The following MACROD2 variants were observed in gnomAD, a reference collection of about 807,000 sequenced individuals.
The protein encoded by MACROD2 is ADP-ribose glycohydrolase MACROD2.
MACROD2 carries 36 observed loss-of-function variants against 70.4 expected under a neutral mutation model. The ratio of observed to expected loss-of-function variants is 0.51; its 90% CI spans 0.39 to 0.68. The LOEUF is 0.68. MACROD2 is among the 30% of genes least tolerant of loss of function. MACROD2 has a pLI of 0.00. For synonymous variants in MACROD2, 172 were observed against 178.8 expected (o/e 0.96, Z 0.30); for missense variants, 496 against 538.4 (o/e 0.92, Z 0.78).
intron 3 of MACROD2, among the ~76,000 whole-genome samples, chr20:14,392,977 C>T (rs1038656860): frequency 1.3e-5 from 2 of 152,134 alleles, no homozygotes. Flanking sequence ...CTCTAGAATA[C>T]TAAAGGCTTC....
At chr20:14,710,480 A>G (rs758468492) in intron 5 of MACROD2, among the ~76,000 whole-genome samples, 1 of 152,244 alleles carries the variant, frequency 6.6e-6, no homozygotes, top group Non-Finnish European at 1.5e-5. Flanking sequence ...TACTGTGGAA[A>G]GACGATGAGC....
At position 15,995,649 on chromosome 20, in the gene MACROD2, C is replaced by CTTTTTTTTTTTTT. The variant is rs71192310; in HGVS notation, c.1153+8499_1153+8511dup. Among the ~76,000 whole-genome samples the CTTTTTTTTTTTTT allele has an allele frequency of 1.7e-3, 143 of 85,464 alleles. 6 individuals are homozygous for CTTTTTTTTTTTTT. The highest frequency in any genetic ancestry group is 5.3e-3 in the African/African-American group (125 of 23,744). 56.1% of individuals were successfully genotyped at this position (85,464 alleles called of 152,430 possible). On this transcript the variant is annotated intron_variant, in intron 15 of 17. Transcript: ENST00000684519. ...ACAGGCATGAGCCACTATGCCCGGC[C>CTTTTTTTTTTTTT]TTTTTTTTTTTTTTTTTTTTAACTT...
At chr20:14,390,590 C>G (rs6079417) in intron 3 of MACROD2, among the ~76,000 whole-genome samples, 49,001 of 151,978 alleles carry the variant, frequency 0.32, 8,106 homozygotes, top group Admixed American at 0.4. Context: ...GATAAGACCA[C>G]ACACCTTTAA....
Position 14,660,568 on chromosome 20 carries a change from G to T in MACROD2, c.302-24275G>T, listed in dbSNP as rs554736080. Among the ~76,000 whole-genome samples, 22 of 151,942 alleles carry T rather than the reference G, an allele frequency of 1.4e-4. No homozygotes were observed. In the South Asian group the frequency reaches 2.3e-3, roughly 16 times the overall value. On this transcript the variant is annotated intron_variant, in intron 4 of 17. Coordinates refer to ENST00000684519, the MANE Select transcript of MACROD2 (RefSeq NM_001351661.2). ...GATAAATTTTTATTTTAAGATTCAGGGGGTACATAAGTAATTGTTACATGA... is the reference window on the plus strand; with the variant it reads ...GATAAATTTTTATTTTAAGATTCAGTGGGTACATAAGTAATTGTTACATGA...
chr20:14,330,598 C>T (rs1005232453), intron 3 of MACROD2, among the ~76,000 whole-genome samples: 8 of 152,046 alleles, frequency 5.3e-5, no homozygotes, highest in African/African-American at 1.7e-4. Flanking sequence ...GCTATATTAA[C>T]GGAAGAAAAG....
intron 6 of MACROD2, among the ~76,000 whole-genome samples, chr20:15,373,561 C>T (rs2045521947): frequency 6.6e-6 from 1 of 152,038 alleles, no homozygotes; most frequent in Non-Finnish European, 1.5e-5. Flanking sequence ...TGTCACTGCA[C>T]TTAGTTAGTA....
intron 3 of MACROD2, among the ~76,000 whole-genome samples, chr20:14,192,831 G>A (rs1053040209): frequency 1.4e-4 from 21 of 152,154 alleles, no homozygotes; most frequent in African/African-American, 5.1e-4. Flanking sequence ...GTACCCTTTA[G>A]GATTTTTGCT....
chr20:14,372,660 C>T (rs540416722), intron 3 of MACROD2, among the ~76,000 whole-genome samples: 15 of 152,144 alleles, frequency 9.9e-5, no homozygotes, highest in Non-Finnish European at 2.1e-4. Context: ...TCCATCTCCC[C>T]ATTCCTTTAT....
chr20:15,216,002 A>C (rs1391471792), intron 5 of MACROD2, among the ~76,000 whole-genome samples: 2 of 152,164 alleles, frequency 1.3e-5, no homozygotes, highest in Admixed American at 6.5e-5. Context: ...AGAATGGAGA[A>C]AATGAAAGAG....
intron 5 of MACROD2, among the ~76,000 whole-genome samples, chr20:14,704,073 T>G (rs1177527470): frequency 6.6e-6 from 1 of 152,102 alleles, no homozygotes; most frequent in Non-Finnish European, 1.5e-5. Flanking sequence ...ACATTAATGG[T>G]CTCTGAATCT....
At chr20:15,101,974 A>G (rs903431089) in intron 5 of MACROD2, among the ~76,000 whole-genome samples, 1 of 152,058 alleles carries the variant, frequency 6.6e-6, no homozygotes, top group African/African-American at 2.4e-5. Flanking sequence ...TAAGAGTCCT[A>G]GTAAAAATAA....
In MACROD2 at chr20:15,424,379, A is replaced by G. The variant is rs534218731; in HGVS notation, c.541-7026A>G. 2.0e-5 allele frequency among the ~76,000 whole-genome samples: 3 copies of G among 152,290 alleles called. No homozygotes were observed. The East Asian group carries it at 5.8e-4, about 29-fold the overall frequency. ...CTGAAGTATATACTGCACCCTAGTTAACGGCATGATGGCACAACCCACTAT... is the reference window on the plus strand; with the variant it reads ...CTGAAGTATATACTGCACCCTAGTTGACGGCATGATGGCACAACCCACTAT... On this transcript the variant is annotated intron_variant, in intron 6 of 17. Coordinates refer to ENST00000684519, the MANE Select transcript of MACROD2 (RefSeq NM_001351661.2).
chr20:15,482,277 T>C (rs942834786), intron 7 of MACROD2, among the ~76,000 whole-genome samples: 1 of 152,164 alleles, frequency 6.6e-6, no homozygotes, highest in African/African-American at 2.4e-5. Flanking sequence ...ATAATAAAGA[T>C]TTGACAGATA....
intron 4 of MACROD2, among the ~76,000 whole-genome samples, chr20:14,539,232 C>A (rs1204701367): frequency 1.3e-5 from 2 of 151,996 alleles, no homozygotes. Context: ...TCATTTTTTT[C>A]TTTTATTTAG....
At chr20:14,693,239 A>G (rs2071083666) in intron 5 of MACROD2, among the ~76,000 whole-genome samples, 1 of 152,212 alleles carries the variant, frequency 6.6e-6, no homozygotes, top group Admixed American at 6.5e-5. Flanking sequence ...GCTAAGATTA[A>G]AAAGAGAGCC....
intron 5 of MACROD2, among the ~76,000 whole-genome samples, chr20:14,751,695 G>A (rs2071873016): frequency 6.6e-6 from 1 of 152,126 alleles, no homozygotes; most frequent in African/African-American, 2.4e-5. Flanking sequence ...CATGGGAAGA[G>A]CAGAAGCACA....
intron 2 of MACROD2, among the ~76,000 whole-genome samples, chr20:14,029,110 C>T (rs527719895): frequency 6.6e-6 from 1 of 152,286 alleles, no homozygotes; most frequent in African/African-American, 2.4e-5. Context: ...CTTTCTTCAA[C>T]TGTTCGTTAA....
intron 3 of MACROD2, among the ~76,000 whole-genome samples, chr20:14,137,538 G>A (rs1202121769): frequency 6.6e-6 from 1 of 152,132 alleles, no homozygotes; most frequent in Non-Finnish European, 1.5e-5. Flanking sequence ...AAAAAGGATA[G>A]TTTTTTTCAA....
At chr20:14,504,884 G>A (rs570242891) in intron 4 of MACROD2, among the ~76,000 whole-genome samples, 96 of 151,958 alleles carry the variant, frequency 6.3e-4, no homozygotes, top group African/African-American at 1.9e-3. Context: ...ATCATTATTC[G>A]GTGTACAACT....
Sources: allele counts gnomAD v4.1 joint callset (sites outside exome capture counted in the v4.1 genomes callset), GRCh38; gene constraint gnomAD v4.1.1; transcripts MANE v1.5; gene names NCBI Gene and HGNC (gene_info 2026-07-23, HGNC 2026-07-21).